The following PLCB1 variants were observed in gnomAD, a reference collection of about 807,000 sequenced individuals.
PLCB1 encodes phospholipase C beta 1.
A neutral mutation model predicts 161.8 loss-of-function variants in PLCB1; 46 were observed. The ratio of observed to expected loss-of-function variants is 0.28; its 90% CI spans 0.22 to 0.36. The LOEUF (loss-of-function observed/expected upper bound fraction) is 0.36. Among genes scored for constraint, PLCB1 ranks in the 10% least tolerant of loss-of-function variants. The pLI, the probability that PLCB1 is intolerant of heterozygous loss-of-function variation, is 1.00. For synonymous variants in PLCB1, 517 were observed against 503.7 expected, an observed-to-expected ratio of 1.03 and a Z score of -0.35; for missense variants, 1,016 against 1,472.5, an observed-to-expected ratio of 0.69 and a Z score of 5.07.
chr20:8,798,309 C>CA (rs983175397), intron 31 of PLCB1, among the ~76,000 whole-genome samples: 14 of 152,224 alleles, frequency 9.2e-5, no homozygotes, highest in African/African-American at 3.1e-4. Flanking sequence ...CCCCACATTG[C>CA]ATTTCTGAAA....
chr20:8,600,946 G>A (rs1023962061), intron 3 of PLCB1, among the ~76,000 whole-genome samples: 29 of 150,712 alleles, frequency 1.9e-4, no homozygotes, highest in Middle Eastern at 3.2e-3. Context: ...GCAATGCCTC[G>A]CCCTGCTTCA....
chr20:8,397,228 G>C (rs926416427), intron 3 of PLCB1, among the ~76,000 whole-genome samples: 14 of 151,964 alleles, frequency 9.2e-5, no homozygotes, highest in Admixed American at 6.6e-5. Context: ...AAGTCCACTA[G>C]AGAAAATCCA....
At position 8,828,014 on chromosome 20, in the gene PLCB1, A is replaced by G. The variant is rs533009765; in HGVS notation, c.3423+37753A>G. Among the ~76,000 whole-genome samples the G allele has an allele frequency of 1.1e-4, 16 of 152,304 alleles. No individual in the cohort carries two copies. In the South Asian group the frequency reaches 3.1e-3, roughly 30 times the overall value. ...GTTTGTTAACTCTTGAGCTAAAGGG[A>G]GGAAAGGAGTAGTATCACACATTAC... On this transcript the variant is annotated intron_variant, in intron 31 of 31. Coordinates refer to ENST00000338037, the MANE Select transcript of PLCB1 (RefSeq NM_015192.4).
intron 2 of PLCB1, among the ~76,000 whole-genome samples, chr20:8,220,969 G>A (rs1979375496): frequency 6.6e-6 from 1 of 152,162 alleles, no homozygotes; most frequent in African/African-American, 2.4e-5. Context: ...TTGGGACACA[G>A]ATGAGATTAT....
intron 14 of PLCB1, among the ~76,000 whole-genome samples, chr20:8,720,190 G>A (rs1346174365): frequency 1.3e-5 from 2 of 152,122 alleles, no homozygotes; most frequent in Non-Finnish European, 2.9e-5. Context: ...CTTTGCATGT[G>A]GGTGCTTGTG....
intron 2 of PLCB1, among the ~76,000 whole-genome samples, chr20:8,180,253 A>T (rs1347468139): frequency 6.6e-6 from 1 of 152,184 alleles, no homozygotes; most frequent in Non-Finnish European, 1.5e-5. Flanking sequence ...GATAAATCAC[A>T]TTTACTGATT....
chr20:8,533,095 T>C (rs1458985449), intron 3 of PLCB1, among the ~76,000 whole-genome samples: 4 of 149,340 alleles, frequency 2.7e-5, no homozygotes, highest in Non-Finnish European at 5.9e-5. Flanking sequence ...TTCCCACCTA[T>C]GAGTGAGAAC....
chr20:8,565,981 T>C (rs1986320976), intron 3 of PLCB1, among the ~76,000 whole-genome samples: 1 of 152,162 alleles, frequency 6.6e-6, no homozygotes, highest in Non-Finnish European at 1.5e-5. Flanking sequence ...TCTGAATTTA[T>C]TCCCTGTGAA....
intron 3 of PLCB1, among the ~76,000 whole-genome samples, chr20:8,410,087 C>T (rs914480320): frequency 2.0e-5 from 3 of 152,098 alleles, no homozygotes; most frequent in Non-Finnish European, 4.4e-5. Context: ...TGGGTTGGTT[C>T]ACTCAACATT....
intron 3 of PLCB1, among the ~76,000 whole-genome samples, chr20:8,560,306 C>G (rs923356390): frequency 6.6e-6 from 1 of 151,958 alleles, no homozygotes; most frequent in Non-Finnish European, 1.5e-5. Context: ...TTTAAGAATA[C>G]CAAGGCCTAG....
At position 8,571,596 on chromosome 20, in the gene PLCB1, C is replaced by T. The variant is rs75840072; in HGVS notation, c.247-56698C>T. 9.4e-3 allele frequency among the ~76,000 whole-genome samples: 1,428 copies of T among 152,172 alleles called. 19 individuals carry two copies. Among genetic ancestry groups the T allele is most frequent in the African/African-American group, 0.03 (1,234 of 41,530 alleles). Reference sequence around the variant, plus strand: ...TACTTGTCTAGGCAAGAGATGGTGACGACTTGAACTAAAGAGTAATAGAGG... The same window carrying T: ...TACTTGTCTAGGCAAGAGATGGTGATGACTTGAACTAAAGAGTAATAGAGG... On this transcript the variant is annotated intron_variant, in intron 3 of 31. Coordinates refer to ENST00000338037, the MANE Select transcript of PLCB1 (RefSeq NM_015192.4).
At chr20:8,215,284 A>T (rs1277231694) in intron 2 of PLCB1, among the ~76,000 whole-genome samples, 2 of 152,086 alleles carry the variant, frequency 1.3e-5, no homozygotes, top group Non-Finnish European at 2.9e-5. Flanking sequence ...TGTTAATCTC[A>T]AAAGGCCGTA....
At chr20:8,802,030 G>A (rs1250192144) in intron 31 of PLCB1, 3 of 1,307,622 alleles carry the variant, frequency 2.3e-6, no homozygotes, top group Non-Finnish European at 3.3e-6. Context: ...CCACAAAAAT[G>A]ACAGCCTCCC....
chr20:8,358,746 C>A (rs1262628846), intron 2 of PLCB1, among the ~76,000 whole-genome samples: 2 of 152,168 alleles, frequency 1.3e-5, no homozygotes, highest in East Asian at 3.8e-4. Context: ...CTTCAGGGTG[C>A]AATTGTATGC....
chr20:8,402,831 C>T (rs538988387), intron 3 of PLCB1, among the ~76,000 whole-genome samples: 1 of 151,836 alleles, frequency 6.6e-6, no homozygotes, highest in Admixed American at 6.6e-5. Flanking sequence ...GGCAACAGAG[C>T]AAGACTCCAT....
In PLCB1 at chr20:8,167,518, C is replaced by T. The variant is rs117104807; in HGVS notation, c.177+17147C>T. Among the ~76,000 whole-genome samples the T allele has an allele frequency of 4.5e-3, 686 of 152,160 alleles. 3 individuals are homozygous for T. The highest frequency in any genetic ancestry group is 0.016 in the African/African-American group (646 of 41,508). Reference sequence around the variant, plus strand: ...GTTAAAATGCACATCTTTTAATTACCGACCAACACTCCTTCTACTGTAGTG... The same window carrying T: ...GTTAAAATGCACATCTTTTAATTACTGACCAACACTCCTTCTACTGTAGTG... On this transcript the variant is annotated intron_variant, in intron 2 of 31. Transcript: ENST00000338037.
At chr20:8,426,085 C>A (rs946295818) in intron 3 of PLCB1, among the ~76,000 whole-genome samples, 6 of 152,164 alleles carry the variant, frequency 3.9e-5, no homozygotes, top group African/African-American at 1.4e-4. Flanking sequence ...ACATGGGAAG[C>A]ACTGCTTCAT....
At chr20:8,257,301 G>A (rs537077607) in intron 2 of PLCB1, among the ~76,000 whole-genome samples, 1 of 152,134 alleles carries the variant, frequency 6.6e-6, no homozygotes, top group African/African-American at 2.4e-5. Context: ...TTACACAACT[G>A]TTTCTTATTG....
intron 31 of PLCB1, among the ~76,000 whole-genome samples, chr20:8,795,615 G>A (rs907871960): frequency 7.9e-5 from 12 of 152,162 alleles, no homozygotes; most frequent in Admixed American, 7.2e-4. Flanking sequence ...GTAAACACTG[G>A]CCAGTCTTCT....
Sources: gnomAD v4.1 joint callset for allele counts (sites outside exome capture counted in the v4.1 genomes callset) on GRCh38, gnomAD v4.1.1 for gene constraint, MANE v1.5 for transcripts, NCBI Gene and HGNC (gene_info 2026-07-23, HGNC 2026-07-21) for gene names.